Variants in GABRG1 observed in about 807,000 individuals in gnomAD.
GABRG1 encodes the protein gamma-aminobutyric acid type A receptor subunit gamma1, also known as gamma-aminobutyric acid receptor subunit gamma-1.
GABRG1 carries 49 observed loss-of-function variants against 49.8 expected under a neutral mutation model. The observed-to-expected ratio is 0.98, with a 90% CI of 0.78 to 1.25. The LOEUF is 1.25. Ranked by LOEUF, GABRG1 falls within the 50% of genes most tolerant of loss-of-function variation. GABRG1 has a pLI of 0.00. For missense variants in GABRG1, 552 were observed against 552.3 expected (o/e 1.00, Z 0.01); for synonymous variants, 232 against 185.1 (o/e 1.25, Z -2.06).
In GABRG1 at chr4:46,035,975, C is replaced by T. The variant is rs868653679; in HGVS notation, c.*5013G>A. 11 of 151,884 alleles carry T rather than the reference C, an allele frequency of 7.2e-5. No individual in the cohort carries two copies. Among genetic ancestry groups the T allele is most frequent in the Non-Finnish European group, 1.5e-4 (10 of 67,876 alleles). The allele number at this position is 151,884 out of a possible 1,614,324, so 9.4% of individuals were successfully genotyped here. A position where few individuals can be genotyped will look rare whatever the true frequency, so the allele number is the denominator to read the frequency against. On this transcript the variant is annotated 3_prime_UTR_variant, in exon 9 of 9. Coordinates refer to ENST00000295452, the MANE Select transcript of GABRG1 (RefSeq NM_173536.4). ...TTATTATACAAAGTGACTACAAACACTTAATAGATGCAAATAATTGTTATT... is the reference window on the plus strand; with the variant it reads ...TTATTATACAAAGTGACTACAAACATTTAATAGATGCAAATAATTGTTATT...
chr4:46,081,335 T>A (rs1719559687), intron 3 of GABRG1, among the ~76,000 whole-genome samples: 1 of 151,870 alleles, frequency 6.6e-6, no homozygotes, highest in Non-Finnish European at 1.5e-5. Flanking sequence ...CATTCCTTCA[T>A]CCTCTCAAAT....
At chr4:46,043,653 A>C (rs1322754143) in intron 8 of GABRG1, among the ~76,000 whole-genome samples, 1 of 152,054 alleles carries the variant, frequency 6.6e-6, no homozygotes, top group Non-Finnish European at 1.5e-5. Context: ...CCAAAAAAGC[A>C]AACATTAAAA....
At chr4:46,053,514 C>T (rs1047702738) in intron 7 of GABRG1, among the ~76,000 whole-genome samples, 8 of 151,898 alleles carry the variant, frequency 5.3e-5, no homozygotes, top group Admixed American at 6.6e-5. Flanking sequence ...TTTTTAAAGG[C>T]TTTGTTATGG....
intron 7 of GABRG1, among the ~76,000 whole-genome samples, chr4:46,056,145 ATAAAT>A (rs1560351315): frequency 1.1e-4 from 2 of 17,910 alleles, no homozygotes; most frequent in African/African-American, 6.5e-4. Context: ...AAATAAATAA[ATAAAT>A]TAAAAAAAAA....
At chr4:46,061,184 T>C (rs1718658277) in intron 5 of GABRG1, among the ~76,000 whole-genome samples, 1 of 152,172 alleles carries the variant, frequency 6.6e-6, no homozygotes, top group Non-Finnish European at 1.5e-5. Flanking sequence ...AACTTTTCCT[T>C]GAGTTCCTTG....
intron 3 of GABRG1, among the ~76,000 whole-genome samples, chr4:46,083,758 C>T (rs553921671): frequency 2.0e-5 from 3 of 151,438 alleles, no homozygotes; most frequent in East Asian, 3.9e-4. Context: ...TTTGTTATGC[C>T]GTTGCATAGT....
chr4:46,122,605 T>C (rs1461900048), intron 1 of GABRG1, among the ~76,000 whole-genome samples: 1 of 152,012 alleles, frequency 6.6e-6, no homozygotes, highest in Admixed American at 6.6e-5. Flanking sequence ...AGGTCTAATA[T>C]TACTTAGCCT....
At chr4:46,045,700 T>C (rs1217089564) in intron 8 of GABRG1, among the ~76,000 whole-genome samples, 1 of 151,956 alleles carries the variant, frequency 6.6e-6, no homozygotes, top group Non-Finnish European at 1.5e-5. Flanking sequence ...AAATATATTA[T>C]TTAAAGTTTT....
chr4:46,081,827 A>AGAAACGTTGG (rs1719585375), intron 3 of GABRG1, among the ~76,000 whole-genome samples: 1 of 151,818 alleles, frequency 6.6e-6, no homozygotes, highest in Admixed American at 6.6e-5. Flanking sequence ...TGATAAGAAG[A>AGAAACGTTGG]GAAACGTTGG....
chr4:46,102,206 C>A (rs1211506208), intron 1 of GABRG1, among the ~76,000 whole-genome samples: 2 of 151,522 alleles, frequency 1.3e-5, no homozygotes, highest in East Asian at 3.9e-4. Context: ...GAAAATTTGC[C>A]ACTTGGTTCT....
At chr4:46,079,660 T>G (rs1353535614) in intron 3 of GABRG1, among the ~76,000 whole-genome samples, 2 of 151,902 alleles carry the variant, frequency 1.3e-5, no homozygotes, top group Non-Finnish European at 2.9e-5. Flanking sequence ...TGGTAGCTAC[T>G]TTTGTACTTA....
chr4:46,110,651 C>A (rs1475722579), intron 1 of GABRG1, among the ~76,000 whole-genome samples: 1 of 151,168 alleles, frequency 6.6e-6, no homozygotes, highest in Non-Finnish European at 1.5e-5. Flanking sequence ...AAAGTTAATT[C>A]ATCACAATCA....
intron 2 of GABRG1, among the ~76,000 whole-genome samples, chr4:46,086,735 G>T (rs1018226215): frequency 6.6e-6 from 1 of 151,092 alleles, no homozygotes; most frequent in African/African-American, 2.4e-5. Flanking sequence ...AAATGATATA[G>T]GTACAATTCC....
intron 7 of GABRG1, among the ~76,000 whole-genome samples, chr4:46,054,921 T>C (rs1226102879): frequency 2.6e-5 from 2 of 76,718 alleles, no homozygotes; most frequent in South Asian, 3.6e-4. Context: ...ATCCCTGTCT[T>C]GTGCCAGTTT....
At chr4:46,061,629 C>T (rs1208969867) in intron 5 of GABRG1, among the ~76,000 whole-genome samples, 1 of 151,350 alleles carries the variant, frequency 6.6e-6, no homozygotes. Flanking sequence ...ATTAATATAG[C>T]TCTGGAAAGG....
chr4:46,051,546 CAA>C lies in GABRG1; in HGVS notation c.1007_1008del (p.Phe336CysfsTer32). The C allele has an allele frequency of 6.2e-7, 1 of 1,611,484 alleles. No individual in the cohort carries two copies. The highest frequency in any genetic ancestry group is 8.5e-7 in the Non-Finnish European group (1 of 1,178,504). ...AAAACAAAAATGAAACAAACAGAAA[CAA>C]AGAGATCCATCGCAGTCACATAAGA... ...KVSYVTAMDL[F>X]VSVCFIFVFA... On this transcript the variant is annotated frameshift_variant, in exon 8 of 9. Coordinates refer to ENST00000295452, the MANE Select transcript of GABRG1 (RefSeq NM_173536.4). LOFTEE classifies it high-confidence loss of function.
chr4:46,104,380 A>G (rs540746035), intron 1 of GABRG1, among the ~76,000 whole-genome samples: 1 of 151,680 alleles, frequency 6.6e-6, no homozygotes, highest in African/African-American at 2.4e-5. Context: ...CTCAGATATT[A>G]TAAATGTTAA....
intron 8 of GABRG1, among the ~76,000 whole-genome samples, chr4:46,046,925 C>A (rs2109394271): frequency 6.6e-6 from 1 of 152,208 alleles, no homozygotes; most frequent in East Asian, 1.9e-4. Context: ...AATGTAAATT[C>A]TTAGCATGAC....
intron 7 of GABRG1, among the ~76,000 whole-genome samples, chr4:46,057,629 C>A (rs1718502768): frequency 6.6e-6 from 1 of 151,982 alleles, no homozygotes; most frequent in Non-Finnish European, 1.5e-5. Context: ...AATCAAATTA[C>A]CCTGTTAATC....
Sources: allele counts gnomAD v4.1 joint callset (sites outside exome capture counted in the v4.1 genomes callset), GRCh38; gene constraint gnomAD v4.1.1; transcripts MANE v1.5; gene names NCBI Gene and HGNC (gene_info 2026-07-23, HGNC 2026-07-21).